The following ME3 variants were observed in gnomAD, a reference collection of about 807,000 sequenced individuals.
The protein encoded by ME3 is NADP-dependent malic enzyme, mitochondrial.
Under a neutral mutation model 68.9 loss-of-function variants are expected in ME3, and 48 were observed. The observed-to-expected ratio is 0.70, with a 90% CI of 0.55 to 0.89. ME3 has a LOEUF of 0.89. Among genes scored for constraint, ME3 ranks in the 40% least tolerant of loss-of-function variants. The pLI, the probability that ME3 is intolerant of heterozygous loss-of-function variation, is 0.00. For missense variants in ME3, 675 were observed against 797.4 expected, an observed-to-expected ratio of 0.85 and a Z score of 1.85; for synonymous variants, 320 against 318.8, an observed-to-expected ratio of 1.00 and a Z score of -0.04.
chr11:86,486,339 A>T (rs1385456611), intron 7 of ME3, among the ~76,000 whole-genome samples: 1 of 151,910 alleles, frequency 6.6e-6, no homozygotes, highest in African/African-American at 2.4e-5. Flanking sequence ...CACCAACAAA[A>T]CTCTTTTCTT....
At chr11:86,532,599 A>G (rs192409510) in intron 4 of ME3, among the ~76,000 whole-genome samples, 17 of 152,368 alleles carry the variant, frequency 1.1e-4, no homozygotes, top group African/African-American at 3.8e-4. Flanking sequence ...CGTGGAAATT[A>G]AACAACATTC....
intron 2 of ME3, among the ~76,000 whole-genome samples, chr11:86,634,909 T>TAAC (rs150670809): frequency 0.07 from 10,684 of 151,644 alleles, 446 homozygotes; most frequent in East Asian, 0.14. Flanking sequence ...ATCGTGAGAA[T>TAAC]AACAACAACA....
intron 7 of ME3, among the ~76,000 whole-genome samples, chr11:86,481,962 C>G (rs1309521460): frequency 6.6e-6 from 1 of 152,198 alleles, no homozygotes. Context: ...GCAATCAGAG[C>G]TGGCACAAGG....
intron 2 of ME3, among the ~76,000 whole-genome samples, chr11:86,592,996 C>T (rs565353621): frequency 6.6e-6 from 1 of 152,264 alleles, no homozygotes; most frequent in Non-Finnish European, 1.5e-5. Flanking sequence ...TATCTATTAA[C>T]CTGGTGAAAT....
At chr11:86,471,141 C>CTT (rs1163128094) in intron 7 of ME3, among the ~76,000 whole-genome samples, 1,642 of 75,026 alleles carry the variant, frequency 0.022, 270 homozygotes, top group African/African-American at 0.027. Flanking sequence ...AGGCCCAGAG[C>CTT]TTTTTTTTTT....
intron 2 of ME3, among the ~76,000 whole-genome samples, chr11:86,572,954 ATT>A (rs1320985590): frequency 3.3e-5 from 5 of 152,140 alleles, no homozygotes; most frequent in Non-Finnish European, 5.9e-5. Flanking sequence ...GTTTCCTGAC[ATT>A]TTAATAATTG....
At chr11:86,623,133 C>T (rs1943449587) in intron 2 of ME3, among the ~76,000 whole-genome samples, 3 of 152,116 alleles carry the variant, frequency 2.0e-5, no homozygotes, top group Admixed American at 2.0e-4. Context: ...GCATTTGAAT[C>T]AGTAGAATGA....
At chr11:86,471,012 G>A (rs1168081249) in intron 7 of ME3, among the ~76,000 whole-genome samples, 1 of 151,974 alleles carries the variant, frequency 6.6e-6, no homozygotes, top group Non-Finnish European at 1.5e-5. Flanking sequence ...TTCTAGGCAC[G>A]TTTTCCTGCT....
chr11:86,632,753 A>C (rs1944097434), intron 2 of ME3, among the ~76,000 whole-genome samples: 1 of 152,196 alleles, frequency 6.6e-6, no homozygotes, highest in African/African-American at 2.4e-5. Context: ...GCCCAGGTGC[A>C]GTGAGTGATA....
At chr11:86,539,440 T>G (rs1008437471) in intron 4 of ME3, among the ~76,000 whole-genome samples, 3 of 152,190 alleles carry the variant, frequency 2.0e-5, no homozygotes, top group African/African-American at 4.8e-5. Flanking sequence ...TGGCTTAGAA[T>G]TGTTCTCAGT....
chr11:86,508,905 G>A, intron 4 of ME3, 38 bp from the exon 5 acceptor site: 1 of 1,543,868 alleles, frequency 6.5e-7, no homozygotes, highest in Non-Finnish European at 8.9e-7. Context: ...GAGAAACCAG[G>A]CAGTCAGATT....
intron 4 of ME3, among the ~76,000 whole-genome samples, chr11:86,540,472 G>T (rs1186217775): frequency 6.6e-6 from 1 of 152,126 alleles, no homozygotes; most frequent in Admixed American, 6.6e-5. Flanking sequence ...TAGGGGTTTG[G>T]TATGACACAC....
At chr11:86,457,501 G>C in intron 8 of ME3, 5 of 1,052,076 alleles carry the variant, frequency 4.8e-6, no homozygotes, top group Non-Finnish European at 5.8e-6. Flanking sequence ...TTCTGCACTT[G>C]GTACAGGCCA....
chr11:86,550,359 C>A (rs1302455358), intron 4 of ME3, among the ~76,000 whole-genome samples: 1 of 152,092 alleles, frequency 6.6e-6, no homozygotes. Context: ...TTACTACAGA[C>A]TAATGAGCTA....
chr11:86,516,654 G>A lies in ME3; in HGVS notation c.468-7787C>T, dbSNP rs112893398. On this transcript the variant is annotated intron_variant, in intron 4 of 14. Transcript: ENST00000543262. ...GATCCACCCACCTCAGCCTCCCAAAGTGCTGGGATTACAGGCATGAGCCAC... is the reference window on the plus strand; with the variant it reads ...GATCCACCCACCTCAGCCTCCCAAAATGCTGGGATTACAGGCATGAGCCAC... 7.4e-3 allele frequency among the ~76,000 whole-genome samples: 1,133 copies of A among 152,238 alleles called. 10 individuals carry two copies. The highest frequency in any genetic ancestry group is 0.02 in the African/African-American group (835 of 41,556).
intron 7 of ME3, among the ~76,000 whole-genome samples, chr11:86,475,850 A>AGT (rs1565829942): frequency 2.0e-5 from 2 of 102,468 alleles, no homozygotes; most frequent in African/African-American, 4.1e-5. Context: ...CCTAATATTC[A>AGT]GTATATATAT....
intron 2 of ME3, among the ~76,000 whole-genome samples, chr11:86,613,209 A>G (rs770367235): frequency 4.3e-4 from 66 of 152,176 alleles, no homozygotes; most frequent in Non-Finnish European, 7.3e-4. Context: ...CGAAGATCAG[A>G]TGGTTGTAGA....
At chr11:86,531,420 C>G (rs1431264847) in intron 4 of ME3, among the ~76,000 whole-genome samples, 2 of 152,148 alleles carry the variant, frequency 1.3e-5, no homozygotes, top group African/African-American at 2.4e-5. Context: ...ACTAGTTCAA[C>G]CATTGTGGAA....
chr11:86,636,132 G>A (rs561437274), intron 2 of ME3, among the ~76,000 whole-genome samples: 1 of 152,186 alleles, frequency 6.6e-6, no homozygotes, highest in Non-Finnish European at 1.5e-5. Context: ...TGTAGGAATT[G>A]GAGGCAATTC....
Sources: allele counts gnomAD v4.1 joint callset (sites outside exome capture counted in the v4.1 genomes callset), GRCh38; gene constraint gnomAD v4.1.1; transcripts MANE v1.5; gene names NCBI Gene and HGNC (gene_info 2026-07-23, HGNC 2026-07-21).